LAMC3: variants seen among roughly 807,000 people sequenced by gnomAD.
LAMC3 encodes the protein laminin subunit gamma 3, also known as laminin subunit gamma-3.
A neutral mutation model predicts 173.8 loss-of-function variants in LAMC3; 128 were observed. The observed-to-expected ratio is 0.74, with a 90% CI of 0.64 to 0.85. The LOEUF (loss-of-function observed/expected upper bound fraction) is 0.85. LAMC3 is among the 40% of genes least tolerant of loss of function. The probability of loss-of-function intolerance (pLI) is 0.00; values close to 1 mark genes in which losing one functional copy is unlikely to be tolerated. For missense variants in LAMC3, 2,022 were observed against 2,156.0 expected (o/e 0.94, Z 1.23); for synonymous variants, 897 against 909.1 (o/e 0.99, Z 0.24).
intron 1 of LAMC3, among the ~76,000 whole-genome samples, chr9:131,025,473 T>TG (rs975059265): frequency 4.1e-5 from 6 of 148,128 alleles, no homozygotes; most frequent in African/African-American, 1.3e-4. Flanking sequence ...CGGGGGCATG[T>TG]GGGGGAGTGG....
chr9:131,034,941 T>TATTG lies in LAMC3; in HGVS notation c.810-1222_810-1221insGATT, dbSNP rs879860563. 3.1e-3 allele frequency among the ~76,000 whole-genome samples: 465 copies of TATTG among 151,794 alleles called. 3 individuals are homozygous for TATTG. Among genetic ancestry groups the TATTG allele is most frequent in the Non-Finnish European group, 4.4e-3 (300 of 67,886 alleles). ...TACTGCTGTAAACACCTGAGATGAT[T>TATTG]ATTTATTTATTTATTTATTTATTTT... is the stretch of plus-strand genomic sequence containing the variant. On this transcript the variant is annotated intron_variant, in intron 3 of 27. Transcript: ENST00000361069.
In LAMC3 at chr9:131,029,484, T is replaced by C. The variant is rs115107034; in HGVS notation, c.679-2561T>C. Among the ~76,000 whole-genome samples the C allele has an allele frequency of 0.01, 1,568 of 152,358 alleles. 29 individuals carry two copies. The highest frequency in any genetic ancestry group is 0.035 in the African/African-American group (1,473 of 41,580). On this transcript the variant is annotated intron_variant, in intron 2 of 27. Transcript: ENST00000361069. This position sits in a 1 kb window ranked among gnomAD's most constrained non-coding sequence, Gnocchi z 4.6. ...TTCTGTCTTGTTGCCTCTTGTGTTC[T>C]GGACACTGTCCCTGATGGAGAGATG...
chr9:131,026,569 G>C lies in LAMC3; in HGVS notation c.658G>C (p.Glu220Gln), dbSNP rs776415186. The C allele has an allele frequency of 4.4e-6, 7 of 1,601,776 alleles. No homozygotes were observed. The highest frequency in any genetic ancestry group is 6.0e-6 in the Non-Finnish European group (7 of 1,174,960). The change falls in exon 2 of 28, where the codon GAG (glutamate) becomes CAG (glutamine). Residue 220 changes from glutamate to glutamine, a missense_variant. Coordinates refer to ENST00000361069, the MANE Select transcript of LAMC3 (RefSeq NM_006059.4). This position sits in a 1 kb window ranked among gnomAD's most constrained non-coding sequence, Gnocchi z 4.8. ...LEGRPSAYNF[E>Q]ESPGLQEWVT... ...GGGCCGGCCCAGCGCCTACAACTTC[G>C]AGGAGAGCCCTGGGCTGCAGGTCAG...
chr9:131,016,392 A>G (rs1833520130), intron 1 of LAMC3, among the ~76,000 whole-genome samples: 1 of 152,236 alleles, frequency 6.6e-6, no homozygotes, highest in Non-Finnish European at 1.5e-5. Context: ...CATGTTATAC[A>G]TATTTCACCA....
At chr9:131,065,942 G>A (rs1829924831) in intron 13 of LAMC3, among the ~76,000 whole-genome samples, 1 of 152,016 alleles carries the variant, frequency 6.6e-6, no homozygotes. Flanking sequence ...AGGCACAGTG[G>A]CACATGCCTG....
chr9:131,011,817 C>A (rs1240793851), intron 1 of LAMC3, among the ~76,000 whole-genome samples: 1 of 151,858 alleles, frequency 6.6e-6, no homozygotes, highest in East Asian at 1.9e-4. Context: ...AACCCAGGGG[C>A]CAAGGAAAGA....
chr9:131,087,678 G>A, intron 26 of LAMC3, 40 bp from the exon 27 acceptor site: 1 of 1,613,752 alleles, frequency 6.2e-7, no homozygotes, highest in Middle Eastern at 1.6e-4. Flanking sequence ...GCCCGGGTGG[G>A]GACGCCATTC....
At chr9:131,081,811 C>A (rs1000761515) in intron 23 of LAMC3, among the ~76,000 whole-genome samples, 1 of 152,192 alleles carries the variant, frequency 6.6e-6, no homozygotes, top group Non-Finnish European at 1.5e-5. Context: ...CAGGTGTTCT[C>A]GTTCCTTTAA....
intron 6 of LAMC3, among the ~76,000 whole-genome samples, chr9:131,039,467 T>C (rs1834005827): frequency 6.6e-6 from 1 of 151,924 alleles, no homozygotes; most frequent in Non-Finnish European, 1.5e-5. Context: ...GCTCAGCGGA[T>C]CTTGCAGGTG....
intron 1 of LAMC3, among the ~76,000 whole-genome samples, chr9:131,017,091 G>T (rs966301636): frequency 6.6e-6 from 1 of 152,200 alleles, no homozygotes; most frequent in Admixed American, 6.5e-5. Flanking sequence ...TGGTGTCTGC[G>T]CCTGTTTGGA....
At chr9:131,038,827 A>C (rs990501830) in intron 4 of LAMC3, 37 bp from the exon 5 acceptor site, 1 of 1,602,120 alleles carries the variant, frequency 6.2e-7, no homozygotes. Context: ...ACCACATCAC[A>C]GGGGACTCAC....
At position 131,085,537 on chromosome 9, in the gene LAMC3, G is replaced by A; in HGVS notation, c.4044G>A (p.Gln1348=). ...CCGGGTTTGCAGGAATGAAGCTGCA[G>A]TTTCCCCGGCCCAAGGACCAGGCGG... is the stretch of plus-strand genomic sequence containing the variant. ...LLADLEGMKL[Q]FPRPKDQAAL... is the part of the protein sequence containing the mutation. The change falls in exon 25 of 28, where the codon CAG becomes CAA. Residue 1348 remains glutamine, a synonymous_variant. Coordinates refer to ENST00000361069, the MANE Select transcript of LAMC3 (RefSeq NM_006059.4). The A allele has an allele frequency of 2.5e-6, 4 of 1,613,980 alleles. No homozygotes were observed. Among genetic ancestry groups the A allele is most frequent in the Non-Finnish European group, 2.5e-6 (3 of 1,180,034 alleles).
intron 27 of LAMC3, among the ~76,000 whole-genome samples, chr9:131,089,871 C>T (rs1830394075): frequency 6.6e-6 from 1 of 152,242 alleles, no homozygotes; most frequent in African/African-American, 2.4e-5. Flanking sequence ...ACAGAATTCT[C>T]ATACTCACTC....
rs2133251465 is a variant in LAMC3 at position 131,038,098 on chromosome 9, C to T, written c.977-766C>T. ...GCTTTCGCCTCCTGTCTGCGACGCC[C>T]TTCCCGCCCCCTCTTCCTCTGCCTG... On this transcript the variant is annotated intron_variant, in intron 4 of 27. Transcript: ENST00000361069. Among the ~76,000 whole-genome samples the T allele has an allele frequency of 1.3e-5, 2 of 152,350 alleles. 1 individual carries two copies. The highest frequency in any genetic ancestry group is 1.3e-4 in the Admixed American group (2 of 15,304).
At chr9:131,046,552 C>CG (rs1213777013) in intron 8 of LAMC3, among the ~76,000 whole-genome samples, 2 of 61,188 alleles carry the variant, frequency 3.3e-5, no homozygotes, top group African/African-American at 5.7e-5. Context: ...TTTGTACAGA[C>CG]GGGGTCTTAC....
chr9:131,073,583 T>G (rs1368732726), intron 20 of LAMC3, among the ~76,000 whole-genome samples: 1 of 152,074 alleles, frequency 6.6e-6, no homozygotes, highest in Non-Finnish European at 1.5e-5. Flanking sequence ...AATATACAAG[T>G]TATTATATTG....
intron 24 of LAMC3, among the ~76,000 whole-genome samples, chr9:131,083,552 G>C (rs1830278021): frequency 6.6e-6 from 1 of 152,108 alleles, no homozygotes; most frequent in African/African-American, 2.4e-5. Flanking sequence ...ATAAGTTTAG[G>C]AACTGTCTCT....
Position 131,052,803 on chromosome 9 carries a change from C to T in LAMC3, c.1824-47C>T, listed in dbSNP as rs746781796. ...TACCCCCCATCCCCAGGCATGGTAC[C>T]CCCCCACCCTATGTCGGGATCTCAC... On this transcript the variant is annotated intron_variant, in intron 10 of 27. Coordinates refer to ENST00000361069, the MANE Select transcript of LAMC3 (RefSeq NM_006059.4). 5 of 1,267,320 alleles carry T rather than the reference C, an allele frequency of 3.9e-6. No homozygotes were observed. In the African/African-American group the frequency reaches 7.3e-5, roughly 19 times the overall value. The allele number at this position is 1,267,320 out of a possible 1,614,324, so 78.5% of individuals were successfully genotyped here.
chr9:131,034,805 C>G (rs1022214292), intron 3 of LAMC3, among the ~76,000 whole-genome samples: 6 of 152,210 alleles, frequency 3.9e-5, no homozygotes, highest in Non-Finnish European at 7.3e-5. Flanking sequence ...ATGCCGCGGG[C>G]TCCCAGGGCA....
Sources: allele counts gnomAD v4.1 joint callset (sites outside exome capture counted in the v4.1 genomes callset), GRCh38; gene constraint gnomAD v4.1.1; non-coding constraint Gnocchi (gnomAD v3.1); transcripts MANE v1.5; gene names NCBI Gene and HGNC (gene_info 2026-07-23, HGNC 2026-07-21).